USP37: variants seen among roughly 807,000 people sequenced by gnomAD.
USP37 encodes the protein ubiquitin carboxyl-terminal hydrolase 37.
USP37 carries 27 observed loss-of-function variants against 124.0 expected under a neutral mutation model. That is an observed-to-expected ratio of 0.22 (90% CI 0.16 to 0.30). The LOEUF (loss-of-function observed/expected upper bound fraction) is 0.30, where lower values mean the gene tolerates loss of function less well. USP37 is among the 10% of genes least tolerant of loss of function. The pLI is 1.00. For synonymous variants in USP37, 365 were observed against 388.0 expected, an observed-to-expected ratio of 0.94 and a Z score of 0.70; for missense variants, 889 against 1,140.4, an observed-to-expected ratio of 0.78 and a Z score of 3.17.
intron 4 of USP37, among the ~76,000 whole-genome samples, chr2:218,554,761 A>AG (rs1692869835): frequency 6.6e-6 from 1 of 152,036 alleles, no homozygotes; most frequent in Admixed American, 6.6e-5. Flanking sequence ...AAAAAAAAAA[A>AG]AATTGGAGTA....
rs1692371830 is a variant in USP37, at chr2:218,547,068, C to G, written c.453G>C (p.Leu151Phe). 1 of 1,596,040 alleles carries G rather than the reference C, an allele frequency of 6.3e-7. No homozygotes were observed. Among genetic ancestry groups the G allele is most frequent in the Non-Finnish European group, 8.5e-7 (1 of 1,175,854 alleles). The change falls in exon 7 of 26, where the codon TTG becomes TTC. Residue 151 changes from leucine (L) to phenylalanine (F), a missense_variant. By Grantham distance (22) the Leu-to-Phe change is conservative. Transcript: ENST00000258399. ...DNQASAKRGS[L>F]ETKDDIPFRK... ...GAAATGGAATATCATCTTTAGTTTC[C>G]AAACTTCCTCTTTTTGCAGAAGCCT... is the stretch of plus-strand genomic sequence containing the variant.
intron 8 of USP37, among the ~76,000 whole-genome samples, chr2:218,538,224 A>C (rs1437435910): frequency 6.6e-6 from 1 of 152,224 alleles, no homozygotes; most frequent in East Asian, 1.9e-4. Flanking sequence ...CTTGAAAGAC[A>C]GTTGTGAGGG....
At chr2:218,518,886 A>G (rs1158565967) in intron 10 of USP37, among the ~76,000 whole-genome samples, 1 of 152,172 alleles carries the variant, frequency 6.6e-6, no homozygotes, top group East Asian at 1.9e-4. Flanking sequence ...GTGCCACACT[A>G]TGTCTCCGGG....
At chr2:218,564,507 T>C (rs965095453) in intron 1 of USP37, among the ~76,000 whole-genome samples, 3 of 152,176 alleles carry the variant, frequency 2.0e-5, no homozygotes, top group Non-Finnish European at 4.4e-5. Flanking sequence ...GGCAACCCCT[T>C]CCCTTTCCAG....
At chr2:218,488,517 A>G in intron 14 of USP37, 96 bp from the exon 15 acceptor site, 2 of 724,742 alleles carry the variant, frequency 2.8e-6, no homozygotes, top group African/African-American at 1.8e-5. Flanking sequence ...AACTTATGGT[A>G]CTGACACACT....
chr2:218,523,887 A>G (rs1002462507), intron 10 of USP37, among the ~76,000 whole-genome samples: 6 of 152,154 alleles, frequency 3.9e-5, no homozygotes, highest in Admixed American at 2.6e-4. Context: ...CTTCAGAACA[A>G]TATCACCCTG....
At chr2:218,480,213 A>G (rs184478843) in intron 17 of USP37, among the ~76,000 whole-genome samples, 40 of 151,570 alleles carry the variant, frequency 2.6e-4, no homozygotes, top group African/African-American at 9.2e-4. Flanking sequence ...CCTGGCTAAC[A>G]TAGTGAAAAC....
chr2:218,561,348 G>T (rs891970597), intron 2 of USP37, among the ~76,000 whole-genome samples: 22 of 152,120 alleles, frequency 1.4e-4, no homozygotes, highest in Admixed American at 3.3e-4. Flanking sequence ...TGGAAAGTCA[G>T]GAGAATCCCA....
chr2:218,480,272 C>T (rs1389752639), intron 17 of USP37, among the ~76,000 whole-genome samples: 4 of 151,154 alleles, frequency 2.6e-5, no homozygotes, highest in East Asian at 3.9e-4. Context: ...TGGTGGCAGG[C>T]GCCTGTAGTC....
At chr2:218,528,599 G>C (rs1691113520) in intron 10 of USP37, 1 of 397,346 alleles carries the variant, frequency 2.5e-6, no homozygotes, top group Admixed American at 4.4e-5. Flanking sequence ...CAAAGGACAT[G>C]AACTCATCCA....
At chr2:218,502,915 T>C (rs927400292) in intron 11 of USP37, among the ~76,000 whole-genome samples, 7 of 152,168 alleles carry the variant, frequency 4.6e-5, no homozygotes, top group African/African-American at 1.7e-4. Context: ...AGGTACATAA[T>C]TGTAAAGTTA....
At position 218,481,666 on chromosome 2, in the gene USP37, T is replaced by A. The variant is rs2105974601; in HGVS notation, c.1835+404A>T. Among the ~76,000 whole-genome samples the A allele has an allele frequency of 1.4e-5, 2 of 146,632 alleles. 1 individual carries two copies. The highest frequency in any genetic ancestry group is 4.3e-4 in the South Asian group (2 of 4,682). On this transcript the variant is annotated intron_variant, in intron 17 of 25. Coordinates refer to ENST00000258399, the MANE Select transcript of USP37 (RefSeq NM_020935.3). ...ATTAAAATCTCCTTCTTGGTCTGAT[T>A]TCTTTTCTTTTCTTTTCTTTTTTTT...
chr2:218,484,029 C>T (rs937322435), intron 16 of USP37, among the ~76,000 whole-genome samples: 2 of 151,214 alleles, frequency 1.3e-5, no homozygotes, highest in South Asian at 2.1e-4. Context: ...CGTGGTGGCG[C>T]GTTCCTGTAA....
intron 11 of USP37, chr2:218,501,003 G>A (rs1237732627): frequency 1.2e-5 from 2 of 163,654 alleles, no homozygotes. Flanking sequence ...GAACAACGGG[G>A]TGACAGATGT....
chr2:218,530,547 C>T (rs1691266589), intron 9 of USP37, among the ~76,000 whole-genome samples: 1 of 152,038 alleles, frequency 6.6e-6, no homozygotes, highest in African/African-American at 2.4e-5. Context: ...TTCCCTGAGA[C>T]AATATATTGA....
chr2:218,455,030 C>T lies in USP37; in HGVS notation c.2853-13G>A. ...ATCAAAGATCTCCCTTAAGATAAAACAAGCAAAAAATAAAACTGGAAATTT... is the reference window on the plus strand; with the variant it reads ...ATCAAAGATCTCCCTTAAGATAAAATAAGCAAAAAATAAAACTGGAAATTT... On this transcript the variant is annotated splice_polypyrimidine_tract_variant and intron_variant, in intron 25 of 25. Coordinates refer to ENST00000258399, the MANE Select transcript of USP37 (RefSeq NM_020935.3). 1 of 1,609,860 alleles carries T rather than the reference C, an allele frequency of 6.2e-7. No individual in the cohort carries two copies. Among genetic ancestry groups the T allele is most frequent in the South Asian group, 1.1e-5 (1 of 90,578 alleles).
intron 11 of USP37, among the ~76,000 whole-genome samples, chr2:218,504,333 A>G (rs777703303): frequency 9.9e-5 from 15 of 152,210 alleles, no homozygotes; most frequent in Admixed American, 2.6e-4. Context: ...TATGCAGCAC[A>G]GAGTTCAGTT....
Position 218,534,695 on chromosome 2 carries a change from G to A in USP37, c.692C>T (p.Ala231Val). Residue 231 changes from alanine (A) to valine (V), a missense_variant, in exon 9 of 26, where the codon GCC becomes GTC. Ala to Val is a moderately conservative substitution (Grantham distance 64, BLOSUM62 0). Around this residue, in one of 3 missense-constraint regions of USP37, gnomAD observed 374 missense variants for 386.0 expected, o/e 0.97. Transcript: ENST00000258399. Reference protein sequence around the residue: ...KENDSSSNNKAMTDPSRKYLT... With the variant: ...KENDSSSNNKVMTDPSRKYLT... ...ATACTTTCTGGAGGGATCTGTCATG[G>A]CCTTGTTGTTCCTATAGTTAATAAT... The A allele has an allele frequency of 3.7e-6, 6 of 1,601,230 alleles. No individual in the cohort carries two copies. The highest frequency in any genetic ancestry group is 5.1e-6 in the Non-Finnish European group (6 of 1,174,392).
intron 20 of USP37, among the ~76,000 whole-genome samples, chr2:218,468,971 G>A (rs1289821824): frequency 6.6e-6 from 1 of 152,176 alleles, no homozygotes; most frequent in African/African-American, 2.4e-5. Context: ...GGGATTATAG[G>A]TGTGAGCCAC....
Sources: allele counts gnomAD v4.1 joint callset (sites outside exome capture counted in the v4.1 genomes callset), GRCh38; gene constraint gnomAD v4.1.1; regional missense constraint gnomAD v4.1.1; transcripts MANE v1.5; gene names NCBI Gene and HGNC (gene_info 2026-07-23, HGNC 2026-07-21).